FGD5: variants seen among roughly 807,000 people sequenced by gnomAD.
FGD5 encodes FYVE, RhoGEF and PH domain containing 5.
FGD5 carries 28 observed loss-of-function variants against 133.4 expected under a neutral mutation model. That is an observed-to-expected ratio of 0.21 (90% CI 0.16 to 0.29). FGD5 has a LOEUF of 0.29. FGD5 is among the 10% of genes least tolerant of loss of function. The probability of loss-of-function intolerance (pLI) is 1.00; values close to 1 mark genes in which losing one functional copy is unlikely to be tolerated. For missense variants in FGD5, 1,858 were observed against 1,895.2 expected, an observed-to-expected ratio of 0.98 and a Z score of 0.36; for synonymous variants, 810 against 776.5, an observed-to-expected ratio of 1.04 and a Z score of -0.72.
Position 14,933,150 on chromosome 3 carries a change from G to A in FGD5, c.4372G>A (p.Asp1458Asn). The A allele has an allele frequency of 6.2e-7, 1 of 1,613,696 alleles. No individual in the cohort carries two copies. The highest frequency in any genetic ancestry group is 8.5e-7 in the Non-Finnish European group (1 of 1,179,806). The stretch of plus-strand genomic sequence containing the variant: ...TTATAGGTGGATCGAGGCCATGGAA[G>A]ATGCGAGTGTGTTATAGCAGTTATC... ...SAQRWIEAME[D>N]ASVL is the part of the protein sequence containing the mutation. The change falls in exon 20 of 20, where the codon GAT (aspartate) becomes AAT (asparagine). Residue 1458 changes from aspartate to asparagine, a missense_variant. By Grantham distance (23) the Asp-to-Asn change is conservative. Transcript: ENST00000285046.
chr3:14,855,423 G>A (rs2037258452), intron 1 of FGD5, among the ~76,000 whole-genome samples: 1 of 152,118 alleles, frequency 6.6e-6, no homozygotes, highest in African/African-American at 2.4e-5. Context: ...GTTCTTTGAG[G>A]AATCTCCATA....
intron 1 of FGD5, among the ~76,000 whole-genome samples, chr3:14,854,065 A>G (rs912336261): frequency 1.3e-5 from 2 of 151,718 alleles, no homozygotes; most frequent in African/African-American, 4.8e-5. Context: ...TGCTTTCACC[A>G]TCGTGTTCTT....
intron 7 of FGD5, 38 bp downstream of exon 7, chr3:14,898,864 A>C (rs1575242081): frequency 6.5e-7 from 1 of 1,531,588 alleles, no homozygotes; most frequent in Non-Finnish European, 8.8e-7. Flanking sequence ...CTGAGGCGGC[A>C]GGGCAGGGAA....
At chr3:14,864,528 T>C (rs2037458160) in intron 2 of FGD5, among the ~76,000 whole-genome samples, 1 of 152,176 alleles carries the variant, frequency 6.6e-6, no homozygotes, top group Non-Finnish European at 1.5e-5. Flanking sequence ...TTGTGGATGA[T>C]GTGGAATAGA....
chr3:14,821,108 G>A lies in FGD5; in HGVS notation c.2037G>A (p.Arg679=), dbSNP rs2036489029. The change falls in exon 1 of 20, where the codon AGG becomes AGA. Residue 679 remains arginine (R), a synonymous_variant. Coordinates refer to ENST00000285046, the MANE Select transcript of FGD5 (RefSeq NM_152536.4). ...TGGATGTGAACGTGTCTTCCTCTAG[G>A]TCCTCTTCAGAGTCCAGCTACCACG... is the stretch of plus-strand genomic sequence containing the variant. ...LHVDVNVSSS[R]SSSESSYHGP... The A allele has an allele frequency of 6.2e-7, 1 of 1,613,844 alleles. No individual in the cohort carries two copies. Among genetic ancestry groups the A allele is most frequent in the Admixed American group, 1.7e-5 (1 of 60,002 alleles).
chr3:14,915,046 G>A (rs996211506), intron 11 of FGD5, among the ~76,000 whole-genome samples: 5 of 152,264 alleles, frequency 3.3e-5, no homozygotes, highest in African/African-American at 1.2e-4. Context: ...TTCCATCATG[G>A]GTTGTCTGTG....
chr3:14,845,445 G>A (rs1369055236), intron 1 of FGD5, among the ~76,000 whole-genome samples: 1 of 152,204 alleles, frequency 6.6e-6, no homozygotes, highest in African/African-American at 2.4e-5. Flanking sequence ...ACCTCCTGGG[G>A]CAGGGTTCTT....
Position 14,821,062 on chromosome 3 carries a change from A to C in FGD5, c.1991A>C (p.Lys664Thr), listed in dbSNP as rs757393477. 43 of 1,613,836 alleles carry C rather than the reference A, an allele frequency of 2.7e-5. No individual in the cohort carries two copies. Among genetic ancestry groups the C allele is most frequent in the Middle Eastern group, 1.6e-4 (1 of 6,084 alleles). Residue 664 changes from lysine to threonine, a missense_variant, in exon 1 of 20, where the codon AAG becomes ACG. By Grantham distance (78) the Lys-to-Thr change is moderately conservative. This residue lies in a region of FGD5 where 1,824 missense variants were observed against 1,848.9 expected (regional missense o/e 0.99). Transcript: ENST00000285046. ...TTCCTGGCACTGACGTTTAAGAAGA[A>C]GACGGAGAACAAATTGCATGTGGAT... is the stretch of plus-strand genomic sequence containing the variant. ...KRFLALTFKK[K>T]TENKLHVDVN...
At chr3:14,927,655 C>T (rs2038830206) in intron 18 of FGD5, among the ~76,000 whole-genome samples, 1 of 152,024 alleles carries the variant, frequency 6.6e-6, no homozygotes, top group South Asian at 2.1e-4. Context: ...CACTGTGCAC[C>T]CCTATCATGT....
At chr3:14,881,653 T>G (rs2037826995) in intron 4 of FGD5, among the ~76,000 whole-genome samples, 1 of 152,238 alleles carries the variant, frequency 6.6e-6, no homozygotes, top group African/African-American at 2.4e-5. Context: ...TTGCCATGGT[T>G]GAGCACTGGG....
At chr3:14,926,865 A>G (rs1490337110) in intron 18 of FGD5, among the ~76,000 whole-genome samples, 1 of 152,138 alleles carries the variant, frequency 6.6e-6, no homozygotes, top group Non-Finnish European at 1.5e-5. Context: ...AGCTTTGAAA[A>G]TGGGAGTTAA....
intron 1 of FGD5, among the ~76,000 whole-genome samples, chr3:14,840,543 C>T (rs909423405): frequency 5.3e-5 from 8 of 151,668 alleles, no homozygotes; most frequent in Non-Finnish European, 1.5e-5. Flanking sequence ...GCTTTTGTTA[C>T]TTTACAGATT....
At chr3:14,864,867 T>C (rs1020432855) in intron 2 of FGD5, among the ~76,000 whole-genome samples, 2 of 152,162 alleles carry the variant, frequency 1.3e-5, no homozygotes, top group South Asian at 4.1e-4. Flanking sequence ...TGGACACTCA[T>C]GGTGAGCCGG....
At chr3:14,897,779 C>T (rs1260367010) in intron 5 of FGD5, 110 bp downstream of exon 5, 66 of 1,452,502 alleles carry the variant, frequency 4.5e-5, no homozygotes, top group Non-Finnish European at 5.7e-5. Context: ...ATGGGAAAGC[C>T]GAACTCCGAA....
At chr3:14,825,053 A>G (rs2036574980) in intron 1 of FGD5, among the ~76,000 whole-genome samples, 1 of 152,214 alleles carries the variant, frequency 6.6e-6, no homozygotes, top group Non-Finnish European at 1.5e-5. Context: ...TTTTCTGCTA[A>G]AAGTATCTCC....
chr3:14,921,697 A>G (rs909499728), intron 13 of FGD5, among the ~76,000 whole-genome samples: 3 of 152,146 alleles, frequency 2.0e-5, no homozygotes, highest in African/African-American at 7.2e-5. Flanking sequence ...GGGGAATATC[A>G]TTATTCCAGT....
In FGD5 at chr3:14,820,935, G is replaced by T. The variant is rs776405217; in HGVS notation, c.1864G>T (p.Ala622Ser). 1.2e-6 allele frequency: 2 copies of T among 1,613,736 alleles called. No individual in the cohort carries two copies. The highest frequency in any genetic ancestry group is 2.7e-5 in the African/African-American group (2 of 74,964). Residue 622 changes from alanine (A) to serine (S), a missense_variant, in exon 1 of 20, where the codon GCC becomes TCC. By Grantham distance (99) the Ala-to-Ser change is moderately conservative. Transcript: ENST00000285046. ...MVDIPPPFDL[A>S]CITKKPITKS... is the part of the protein sequence containing the mutation. ...CGACATCCCACCTCCTTTCGACCTG[G>T]CCTGCATCACCAAGAAGCCCATCAC...
intron 1 of FGD5, among the ~76,000 whole-genome samples, chr3:14,854,516 A>G (rs1484686620): frequency 1.3e-5 from 2 of 151,704 alleles, no homozygotes; most frequent in Non-Finnish European, 2.9e-5. Flanking sequence ...CCTGGGCTCA[A>G]GTGATCCTCC....
At chr3:14,838,612 T>C (rs910338145) in intron 1 of FGD5, among the ~76,000 whole-genome samples, 2 of 152,210 alleles carry the variant, frequency 1.3e-5, no homozygotes, top group African/African-American at 4.8e-5. Context: ...ATTTGAATCT[T>C]GTCAGCTCAG....
Sources: gnomAD v4.1 joint callset for allele counts (sites outside exome capture counted in the v4.1 genomes callset) on GRCh38, gnomAD v4.1.1 for gene constraint, gnomAD v4.1.1 regional missense constraint, MANE v1.5 for transcripts, NCBI Gene and HGNC (gene_info 2026-07-23, HGNC 2026-07-21) for gene names.